Variants in MMP26 observed in about 807,000 individuals in gnomAD.
MMP26 encodes matrix metalloproteinase-26.
A neutral mutation model predicts 31.0 loss-of-function variants in MMP26; 33 were observed. That is an observed-to-expected ratio of 1.06 (90% CI 0.81 to 1.42). The LOEUF is 1.42. MMP26 is among the 40% of genes most tolerant of loss of function. The pLI is 0.00. For synonymous variants in MMP26, 122 were observed against 114.9 expected, an observed-to-expected ratio of 1.06 and a Z score of -0.40; for missense variants, 347 against 316.1, an observed-to-expected ratio of 1.10 and a Z score of -0.74.
intron 1 of MMP26, among the ~76,000 whole-genome samples, chr11:4,761,102 C>A (rs769928498): frequency 2.0e-5 from 3 of 152,026 alleles, no homozygotes; most frequent in Admixed American, 2.0e-4. Context: ...CAAGGGTAAG[C>A]GGGGAGAGCC....
At chr11:4,720,895 A>G (rs1308603272) in intron 1 of MMP26, among the ~76,000 whole-genome samples, 2 of 152,098 alleles carry the variant, frequency 1.3e-5, no homozygotes, top group South Asian at 2.1e-4. Flanking sequence ...GGTTGATTCT[A>G]TTTCTTCTGA....
intron 2 of MMP26, among the ~76,000 whole-genome samples, chr11:4,905,837 G>A (rs1040536907): frequency 9.2e-5 from 14 of 152,048 alleles, no homozygotes; most frequent in Admixed American, 9.2e-4. Context: ...TTTTACTTCT[G>A]AAAGTAAACT....
At chr11:4,837,730 G>T (rs965686021) in intron 2 of MMP26, among the ~76,000 whole-genome samples, 1 of 151,900 alleles carries the variant, frequency 6.6e-6, no homozygotes, top group East Asian at 1.9e-4. Flanking sequence ...ATACTTGAAG[G>T]TTCTGACAGA....
At chr11:4,748,697 T>A (rs1240191472) in intron 1 of MMP26, among the ~76,000 whole-genome samples, 5 of 138,620 alleles carry the variant, frequency 3.6e-5, no homozygotes, top group African/African-American at 1.7e-4. Flanking sequence ...AAAAAAAATA[T>A]GATCACGGCA....
chr11:4,886,675 A>T (rs1850549798), intron 2 of MMP26, among the ~76,000 whole-genome samples: 1 of 151,832 alleles, frequency 6.6e-6, no homozygotes, highest in South Asian at 2.1e-4. Flanking sequence ...ATTCCAAGAT[A>T]TATTTAGTTT....
At chr11:4,953,114 T>C (rs1846390233) in intron 2 of MMP26, among the ~76,000 whole-genome samples, 1 of 125,732 alleles carries the variant, frequency 8.0e-6, no homozygotes, top group African/African-American at 2.7e-5. Flanking sequence ...GCAATAAATT[T>C]CTCTTTGTAC....
Position 4,988,266 on chromosome 11 carries a change from C to G in MMP26, c.55C>G (p.Pro19Ala). The G allele has an allele frequency of 6.2e-7, 1 of 1,614,058 alleles. No individual in the cohort carries two copies. Among genetic ancestry groups the G allele is most frequent in the Non-Finnish European group, 8.5e-7 (1 of 1,180,020 alleles). ...TIFLPWCFAV[P>A]VPPAADHKGW... is the part of the protein sequence containing the mutation. Reference sequence around the variant, plus strand: ...CTTCTTGCCCTGGTGTTTCGCCGTTCCAGTGCCCCCTGCTGCAGACCATAA... The same window carrying G: ...CTTCTTGCCCTGGTGTTTCGCCGTTGCAGTGCCCCCTGCTGCAGACCATAA... Residue 19 changes from proline (P) to alanine (A), a missense_variant, in exon 3 of 8, where the codon CCA becomes GCA. Physicochemically the swap from Pro to Ala is conservative, Grantham distance 27. Transcript: ENST00000380390.
chr11:4,766,214 G>C (rs1848626974), intron 1 of MMP26, among the ~76,000 whole-genome samples: 1 of 152,164 alleles, frequency 6.6e-6, no homozygotes, highest in South Asian at 2.1e-4. Context: ...ATTCCCAACA[G>C]ATTTATGCTG....
intron 2 of MMP26, among the ~76,000 whole-genome samples, chr11:4,870,226 A>G (rs1850292715): frequency 6.6e-6 from 1 of 152,168 alleles, no homozygotes; most frequent in Non-Finnish European, 1.5e-5. Context: ...TATGATAATA[A>G]AAAAAGAAAT....
rs775483505 is a variant in MMP26, at chr11:4,809,359, G to A, written c.-145+42018G>A. Among the ~76,000 whole-genome samples the A allele has an allele frequency of 5.6e-4, 86 of 152,278 alleles. 1 individual carries two copies. The highest frequency in any genetic ancestry group is 9.6e-4 in the Non-Finnish European group (65 of 68,040). ...CCATGTAGGGTTTTGTTATATAAAT[G>A]TGGTTACAAGAACTGTATTATCACA... On this transcript the variant is annotated intron_variant, in intron 2 of 7. Transcript: ENST00000380390.
At chr11:4,868,240 C>T (rs1227675108) in intron 2 of MMP26, among the ~76,000 whole-genome samples, 1 of 151,832 alleles carries the variant, frequency 6.6e-6, no homozygotes, top group African/African-American at 2.4e-5. Context: ...CTCAGGTGTG[C>T]TGGAGGGTAT....
intron 2 of MMP26, among the ~76,000 whole-genome samples, chr11:4,883,720 C>G (rs533629716): frequency 1.3e-5 from 2 of 152,108 alleles, no homozygotes; most frequent in Non-Finnish European, 2.9e-5. Context: ...GTATACTCAT[C>G]ACTCTAGAAT....
intron 2 of MMP26, among the ~76,000 whole-genome samples, chr11:4,776,692 A>G (rs139886840): frequency 0.01 from 1,537 of 152,188 alleles, 42 homozygotes; most frequent in African/African-American, 0.035. Flanking sequence ...TTCTCATGAT[A>G]TCTGGTTGTT....
At chr11:4,768,745 C>A (rs532139739) in intron 2 of MMP26, among the ~76,000 whole-genome samples, 3 of 152,122 alleles carry the variant, frequency 2.0e-5, no homozygotes, top group Admixed American at 6.5e-5. Flanking sequence ...ATGTTAATTG[C>A]CAGGAGTATT....
intron 2 of MMP26, among the ~76,000 whole-genome samples, chr11:4,843,065 C>T (rs1016944447): frequency 6.6e-6 from 1 of 152,234 alleles, no homozygotes; most frequent in Non-Finnish European, 1.5e-5. Flanking sequence ...GGCGTGGCCT[C>T]TCAAGGCCTT....
intron 2 of MMP26, among the ~76,000 whole-genome samples, chr11:4,841,761 C>T (rs71480731): frequency 0.1 from 15,674 of 152,094 alleles, 933 homozygotes; most frequent in Middle Eastern, 0.19. Context: ...GGAGAAACCC[C>T]GTCTCTACTA....
chr11:4,758,149 T>C (rs113005054), intron 1 of MMP26, among the ~76,000 whole-genome samples: 17 of 152,276 alleles, frequency 1.1e-4, no homozygotes, highest in African/African-American at 3.9e-4. Flanking sequence ...GAAATATCCA[T>C]AGGCTAAAAA....
intron 2 of MMP26, among the ~76,000 whole-genome samples, chr11:4,851,230 C>A (rs932504547): frequency 5.9e-5 from 9 of 152,184 alleles, no homozygotes; most frequent in African/African-American, 2.2e-4. Flanking sequence ...GCTCTATCAA[C>A]AGTGGTCAGA....
chr11:4,868,572 A>G (rs1391499753), intron 2 of MMP26, among the ~76,000 whole-genome samples: 1 of 152,218 alleles, frequency 6.6e-6, no homozygotes, highest in African/African-American at 2.4e-5. Flanking sequence ...AAAAGAGGAT[A>G]CAAACAAATG....
Sources: allele counts gnomAD v4.1 joint callset (sites outside exome capture counted in the v4.1 genomes callset), GRCh38; gene constraint gnomAD v4.1.1; transcripts MANE v1.5; gene names NCBI Gene and HGNC (gene_info 2026-07-23, HGNC 2026-07-21).